POLR1A: variants seen among roughly 807,000 people sequenced by gnomAD.
The protein encoded by POLR1A is DNA-directed RNA polymerase I subunit RPA1.
POLR1A carries 84 observed loss-of-function variants against 205.3 expected under a neutral mutation model. That is an observed-to-expected ratio of 0.41 (90% CI 0.34 to 0.49). The LOEUF is 0.49. Among genes scored for constraint, POLR1A ranks in the 20% least tolerant of loss-of-function variants. The pLI is 0.22. For missense variants in POLR1A, 1,645 were observed against 2,204.5 expected, an observed-to-expected ratio of 0.75 and a Z score of 5.08; for synonymous variants, 799 against 863.7, an observed-to-expected ratio of 0.93 and a Z score of 1.31.
At position 86,088,379 on chromosome 2, in the gene POLR1A, T is replaced by A. The variant is rs549415002; in HGVS notation, c.730+187A>T. On this transcript the variant is annotated intron_variant, in intron 6 of 33. Transcript: ENST00000263857. Reference sequence around the variant, plus strand: ...ACAGCCCCTCCCATCAGCTCTCCCATGTGAGAGGCCTGAGCTGGGCGCTTG... The same window carrying A: ...ACAGCCCCTCCCATCAGCTCTCCCAAGTGAGAGGCCTGAGCTGGGCGCTTG... Among the ~76,000 whole-genome samples, 5 of 152,300 alleles carry A rather than the reference T, an allele frequency of 3.3e-5. No homozygotes were observed. In the East Asian group the frequency reaches 9.6e-4, roughly 29 times the overall value.
intron 6 of POLR1A, among the ~76,000 whole-genome samples, chr2:86,087,805 A>G (rs1459680211): frequency 1.3e-5 from 2 of 152,152 alleles, no homozygotes; most frequent in African/African-American, 4.8e-5. Context: ...AGCCTCCCAA[A>G]GTACTGGGAT....
chr2:86,055,067 C>T (rs768634981), intron 14 of POLR1A, among the ~76,000 whole-genome samples: 18 of 152,162 alleles, frequency 1.2e-4, no homozygotes, highest in African/African-American at 7.2e-5. Context: ...GAGGCTGAGA[C>T]GGGTGGATCA....
chr2:86,075,917 A>C (rs930360109), intron 11 of POLR1A, among the ~76,000 whole-genome samples: 2 of 152,200 alleles, frequency 1.3e-5, no homozygotes, highest in South Asian at 4.1e-4. Flanking sequence ...GCCTGTCCTC[A>C]AATACCCTGA....
chr2:86,074,370 G>A (rs574341794), intron 12 of POLR1A, among the ~76,000 whole-genome samples: 4 of 152,262 alleles, frequency 2.6e-5, no homozygotes, highest in African/African-American at 4.8e-5. Context: ...CATCCAAGTC[G>A]AATCCATTTC....
chr2:86,079,669 C>A (rs1158137268), intron 9 of POLR1A, among the ~76,000 whole-genome samples: 4 of 151,978 alleles, frequency 2.6e-5, no homozygotes, highest in Admixed American at 2.6e-4. Flanking sequence ...CTCCAGTGAT[C>A]CTCCCACCTC....
intron 4 of POLR1A, 102 bp from the exon 5 acceptor site, chr2:86,088,972 A>C: frequency 1.3e-6 from 1 of 778,750 alleles, no homozygotes; most frequent in South Asian, 1.7e-5. Context: ...ACCAGCGGAA[A>C]CACCCCCACC....
chr2:86,064,138 G>C (rs1244020249), intron 14 of POLR1A, among the ~76,000 whole-genome samples: 1 of 152,144 alleles, frequency 6.6e-6, no homozygotes, highest in Non-Finnish European at 1.5e-5. Context: ...AGATTTTTTA[G>C]TGTGTCTCTA....
At chr2:86,086,128 G>A (rs1013491488) in intron 6 of POLR1A, among the ~76,000 whole-genome samples, 1 of 151,958 alleles carries the variant, frequency 6.6e-6, no homozygotes, top group Non-Finnish European at 1.5e-5. Flanking sequence ...GCACAATCTC[G>A]GCTCACTGCA....
chr2:86,043,612 G>A (rs990525696), intron 22 of POLR1A, among the ~76,000 whole-genome samples: 7 of 152,040 alleles, frequency 4.6e-5, no homozygotes, highest in Admixed American at 2.6e-4. Flanking sequence ...AGGTCACATC[G>A]GTTTCAGTTT....
chr2:86,052,245 G>GTA (rs1558769659), intron 16 of POLR1A, among the ~76,000 whole-genome samples: 5 of 152,140 alleles, frequency 3.3e-5, no homozygotes, highest in African/African-American at 1.2e-4. Context: ...GCACCCAGCC[G>GTA]GCAGTGGGCA....
chr2:86,048,831 T>TA (rs1436353448), intron 18 of POLR1A, 53 bp downstream of exon 18: 1 of 1,532,250 alleles, frequency 6.5e-7, no homozygotes, highest in African/African-American at 1.4e-5. Context: ...GTAATTTTTT[T>TA]AAAAATCAGC....
intron 31 of POLR1A, among the ~76,000 whole-genome samples, chr2:86,029,892 G>A (rs543639175): frequency 6.6e-5 from 10 of 152,170 alleles, no homozygotes; most frequent in Non-Finnish European, 1.0e-4. Context: ...GAACCACCAC[G>A]CCCGGCCCGA....
At chr2:86,104,447 G>GTA (rs752939050) in intron 1 of POLR1A, among the ~76,000 whole-genome samples, 8 of 114,206 alleles carry the variant, frequency 7.0e-5, no homozygotes, top group African/African-American at 2.2e-4. Flanking sequence ...GCCGTGTTGA[G>GTA]TTTTTTTTTT....
intron 1 of POLR1A, among the ~76,000 whole-genome samples, chr2:86,103,104 C>A (rs758133262): frequency 6.6e-6 from 1 of 152,092 alleles, no homozygotes; most frequent in Non-Finnish European, 1.5e-5. Flanking sequence ...GGAACAGACA[C>A]AAAATGTATA....
chr2:86,038,651 G>A, intron 27 of POLR1A, 49 bp downstream of exon 27: 1 of 1,590,990 alleles, frequency 6.3e-7, no homozygotes, highest in Non-Finnish European at 8.6e-7. Flanking sequence ...CCCAGTTCAA[G>A]CGCATTCTCT....
rs781714199 is a variant in POLR1A at position 86,077,808 on chromosome 2, C to T, written c.1380+51G>A. 8.0e-5 allele frequency: 83 copies of T among 1,041,092 alleles called. 3 individuals carry two copies. The highest frequency in any genetic ancestry group is 6.1e-4 in the Admixed American group (22 of 36,178). The allele number at this position is 1,041,092 out of a possible 1,614,324, so 64.5% of individuals were successfully genotyped here. On this transcript the variant is annotated intron_variant, in intron 11 of 33. Coordinates refer to ENST00000263857, the MANE Select transcript of POLR1A (RefSeq NM_015425.6). The stretch of plus-strand genomic sequence containing the variant: ...GGAGCAAATGAGCCCTGCACGCGCG[C>T]GCGCACACACACACACACACACACA...
At chr2:86,071,225 T>TGCGTGTGCGCGC (rs1386802116) in intron 12 of POLR1A, among the ~76,000 whole-genome samples, 595 of 7,964 alleles carry the variant, frequency 0.075, 2 homozygotes, top group Non-Finnish European at 0.072. Context: ...TCTCTCCGTG[T>TGCGTGTGCGCGC]GCATGTGTGT....
rs148317612 is a variant in POLR1A, at chr2:86,024,102, A to T, written c.*3321T>A. On this transcript the variant is annotated 3_prime_UTR_variant, in exon 34 of 34. Transcript: ENST00000263857. Reference sequence around the variant, plus strand: ...GTTATTTGCAACAGCCAAGAGGTGGAGGCAACCCAAGTGTCCACCAACAGA... The same window carrying T: ...GTTATTTGCAACAGCCAAGAGGTGGTGGCAACCCAAGTGTCCACCAACAGA... The T allele has an allele frequency of 2.7e-3, 420 of 154,018 alleles. 1 individual carries two copies. Among genetic ancestry groups the T allele is most frequent in the Middle Eastern group, 9.8e-3 (3 of 306 alleles). 9.5% of individuals were successfully genotyped at this position (154,018 alleles called of 1,614,324 possible). A position where few individuals can be genotyped will look rare whatever the true frequency, so the allele number is the denominator to read the frequency against.
rs759850476 is a variant in POLR1A at position 86,027,528 on chromosome 2, C to T, written c.5063-5G>A. On this transcript the variant is annotated splice_region_variant and splice_polypyrimidine_tract_variant and intron_variant, in intron 33 of 33. Transcript: ENST00000263857. ...ACCTCAGCTCATCGTGGGATCCTGA[C>T]AGAGACACAAAAACATGTGTCAGGG... The T allele has an allele frequency of 5.0e-6, 8 of 1,612,758 alleles. No individual in the cohort carries two copies. The highest frequency in any genetic ancestry group is 3.3e-5 in the Admixed American group (2 of 60,012).
Sources: gnomAD v4.1 joint callset for allele counts (sites outside exome capture counted in the v4.1 genomes callset) on GRCh38, gnomAD v4.1.1 for gene constraint, MANE v1.5 for transcripts, NCBI Gene and HGNC (gene_info 2026-07-23, HGNC 2026-07-21) for gene names.